The following TNRC6B variants were observed in gnomAD, a reference collection of about 807,000 sequenced individuals.
TNRC6B encodes trinucleotide repeat-containing gene 6B protein.
TNRC6B carries 52 observed loss-of-function variants against 203.6 expected under a neutral mutation model. The observed-to-expected ratio is 0.26, with a 90% CI of 0.20 to 0.32. The LOEUF is 0.32. TNRC6B is among the 10% of genes least tolerant of loss of function. The pLI is 1.00. For missense variants in TNRC6B, 1,923 were observed against 2,286.2 expected, an observed-to-expected ratio of 0.84 and a Z score of 3.24; for synonymous variants, 838 against 845.7, an observed-to-expected ratio of 0.99 and a Z score of 0.16.
At chr22:40,133,993 A>C (rs988173565) in intron 3 of TNRC6B, among the ~76,000 whole-genome samples, 47 of 151,500 alleles carry the variant, frequency 3.1e-4, no homozygotes, top group African/African-American at 1.1e-3. Context: ...AAAAAAAAAA[A>C]AAAACAGGTA....
intron 1 of TNRC6B, among the ~76,000 whole-genome samples, chr22:40,078,534 A>G (rs2068038767): frequency 6.6e-6 from 1 of 152,096 alleles, no homozygotes; most frequent in Admixed American, 6.6e-5. Flanking sequence ...AAAGAAAATT[A>G]TTTATGATTA....
chr22:40,230,417 A>G (rs1268723747), intron 1 of TNRC6B, among the ~76,000 whole-genome samples: 3 of 150,706 alleles, frequency 2.0e-5, no homozygotes, highest in Non-Finnish European at 4.4e-5. Context: ...CAGCCTCCCT[A>G]GTAGCTGGGA....
chr22:40,112,233 A>G (rs147450503), intron 1 of TNRC6B, among the ~76,000 whole-genome samples: 2 of 152,352 alleles, frequency 1.3e-5, no homozygotes, highest in African/African-American at 2.4e-5. Context: ...GGAAAGAAAC[A>G]GACCAAGAGG....
chr22:40,234,063 A>G (rs1008687413), intron 1 of TNRC6B, among the ~76,000 whole-genome samples: 7 of 152,308 alleles, frequency 4.6e-5, no homozygotes, highest in African/African-American at 1.7e-4. Flanking sequence ...ATGCAGGAGT[A>G]TTGCTTGAGT....
intron 1 of TNRC6B, among the ~76,000 whole-genome samples, chr22:40,230,969 T>G (rs1026619698): frequency 1.3e-5 from 2 of 152,174 alleles, no homozygotes; most frequent in African/African-American, 4.8e-5. Flanking sequence ...TACTAGTTAT[T>G]CTAACATCAT....
chr22:40,117,545 C>T (rs1248914292), intron 2 of TNRC6B, among the ~76,000 whole-genome samples: 1 of 152,162 alleles, frequency 6.6e-6, no homozygotes, highest in Non-Finnish European at 1.5e-5. Flanking sequence ...GATGTTGTCC[C>T]ACAGATCCCT....
At position 40,264,772 on chromosome 22, in the gene TNRC6B, C is replaced by G; in HGVS notation, c.542C>G (p.Pro181Arg). The G allele has an allele frequency of 6.2e-7, 1 of 1,613,790 alleles. No homozygotes were observed. The highest frequency in any genetic ancestry group is 1.1e-5 in the South Asian group (1 of 91,026). Residue 181 changes from proline (P) to arginine (R), a missense_variant, in exon 5 of 23, where the codon CCC (proline) becomes CGC (arginine). Pro to Arg is a moderately radical substitution (Grantham distance 103, BLOSUM62 -2). This residue lies in a region of TNRC6B where 614 missense variants were observed against 587.7 expected (regional missense o/e 1.04). Coordinates refer to ENST00000454349, the MANE Select transcript of TNRC6B (RefSeq NM_001162501.2). ...SGASSNNGTS[P>R]NPIHIWDKVI... ...GCCTCCTCCAACAACGGCACCTCCC[C>G]CAACCCAATTCACATCTGGGACAAG...
chr22:40,243,992 C>T (rs1369873800), intron 1 of TNRC6B, among the ~76,000 whole-genome samples: 4 of 149,312 alleles, frequency 2.7e-5, no homozygotes, highest in Admixed American at 6.7e-5. Flanking sequence ...AATCTTTAAA[C>T]AGGAAATACT....
chr22:40,280,054 A>G lies in TNRC6B; in HGVS notation c.3322A>G (p.Asn1108Asp). 2 of 1,613,858 alleles carry G rather than the reference A, an allele frequency of 1.2e-6. No homozygotes were observed. Among genetic ancestry groups the G allele is most frequent in the Non-Finnish European group, 1.7e-6 (2 of 1,179,784 alleles). The change falls in exon 10 of 23, where the codon AAT becomes GAT. Residue 1108 changes from asparagine to aspartate, a missense_variant. Transcript: ENST00000454349. The stretch of plus-strand genomic sequence containing the variant: ...GCGAGCGATGAATCTCGGGGATTTT[A>G]ATGATATCATGAGGAAGGATCGATC... Reference protein sequence around the residue: ...DKRAMNLGDFNDIMRKDRSGF... With the variant: ...DKRAMNLGDFDDIMRKDRSGF...
intron 1 of TNRC6B, among the ~76,000 whole-genome samples, chr22:40,105,462 C>T (rs991451728): frequency 6.6e-6 from 1 of 152,150 alleles, no homozygotes; most frequent in Non-Finnish European, 1.5e-5. Context: ...CAGGTAACCA[C>T]TCTTTTGATT....
At chr22:40,133,834 G>A (rs988882739) in intron 3 of TNRC6B, among the ~76,000 whole-genome samples, 1 of 151,854 alleles carries the variant, frequency 6.6e-6, no homozygotes, top group Non-Finnish European at 1.5e-5. Flanking sequence ...GCCAGGCATG[G>A]TGGCATGTGC....
chr22:40,251,217 C>CT lies in TNRC6B; in HGVS notation c.115+22dup, dbSNP rs2070187829. ...AAACCAAAGGTAAGATCTTTTTTTT[C>CT]TTTTTAAATTATTTAGAACCTTTTG... is the stretch of plus-strand genomic sequence containing the variant. On this transcript the variant is annotated intron_variant, in intron 3 of 22. Transcript: ENST00000454349. The CT allele has an allele frequency of 2.0e-6, 3 of 1,517,108 alleles. No homozygotes were observed. Among genetic ancestry groups the CT allele is most frequent in the Non-Finnish European group, 2.7e-6 (3 of 1,126,322 alleles). 94.0% of individuals were successfully genotyped at this position (1,517,108 alleles called of 1,614,324 possible).
At chr22:40,134,275 G>A (rs1393594723) in intron 3 of TNRC6B, among the ~76,000 whole-genome samples, 3 of 152,188 alleles carry the variant, frequency 2.0e-5, no homozygotes, top group Non-Finnish European at 4.4e-5. Flanking sequence ...CCCTTGGTAC[G>A]ATGTGAGGAA....
chr22:40,308,993 G>T (rs1272339045), intron 16 of TNRC6B, among the ~76,000 whole-genome samples: 1 of 152,198 alleles, frequency 6.6e-6, no homozygotes, highest in Non-Finnish European at 1.5e-5. Context: ...CTATCTTGTT[G>T]GTTGTTTGAA....
Position 40,160,492 on chromosome 22 carries a change from G to A in TNRC6B, c.113+4310G>A, listed in dbSNP as rs867193699. Among the ~76,000 whole-genome samples, 384 of 111,738 alleles carry A rather than the reference G, an allele frequency of 3.4e-3. 4 individuals carry two copies. The highest frequency in any genetic ancestry group is 6.0e-3 in the African/African-American group (155 of 25,772). The allele number at this position is 111,738 out of a possible 152,430, so 73.3% of individuals were successfully genotyped here. A position where few individuals can be genotyped will look rare whatever the true frequency, so the allele number is the denominator to read the frequency against. On this transcript the variant is annotated intron_variant, in intron 4 of 23. Coordinates refer to the TNRC6B transcript ENST00000301923. ...ACTCCGTCTCAAAAAAAAAAAAAAA[G>A]AGATATTTTGGTGGCCCTCACTTCC...
chr22:40,073,181 G>C (rs5757845), intron 1 of TNRC6B, among the ~76,000 whole-genome samples: 1 of 133,034 alleles, frequency 7.5e-6, no homozygotes, highest in African/African-American at 2.8e-5. Context: ...CTTATATTTA[G>C]AGCCATATAT....
intron 3 of TNRC6B, among the ~76,000 whole-genome samples, chr22:40,149,756 TGTG>T (rs1182431047): frequency 6.6e-6 from 1 of 150,878 alleles, no homozygotes; most frequent in African/African-American, 2.4e-5. Flanking sequence ...TTGTCTTGCT[TGTG>T]GTGATGATTT....
At chr22:40,258,671 C>T (rs557095483) in intron 3 of TNRC6B, among the ~76,000 whole-genome samples, 19 of 152,182 alleles carry the variant, frequency 1.2e-4, no homozygotes, top group African/African-American at 4.3e-4. Context: ...GGCCAGAGCA[C>T]ACTGTATTGG....
At chr22:40,293,252 G>A (rs1282777585) in intron 12 of TNRC6B, among the ~76,000 whole-genome samples, 2 of 136,300 alleles carry the variant, frequency 1.5e-5, no homozygotes, top group South Asian at 2.3e-4. Flanking sequence ...CTGGAATGCA[G>A]TGGCGTGATC....
Sources: allele counts gnomAD v4.1 joint callset (sites outside exome capture counted in the v4.1 genomes callset), GRCh38; gene constraint gnomAD v4.1.1; regional missense constraint gnomAD v4.1.1; transcripts MANE v1.5; gene names NCBI Gene and HGNC (gene_info 2026-07-23, HGNC 2026-07-21).